ADAMTSL1: variants seen among roughly 807,000 people sequenced by gnomAD.
ADAMTSL1 encodes the protein ADAMTS like 1, also known as ADAMTS-like protein 1.
In ADAMTSL1, 126 loss-of-function variants were observed where a neutral mutation model predicts 201.8. That is an observed-to-expected ratio of 0.62 (90% confidence interval 0.54 to 0.72). The LOEUF is 0.72. ADAMTSL1 is among the 30% of genes least tolerant of loss of function. The pLI, the probability that ADAMTSL1 is intolerant of heterozygous loss-of-function variation, is 0.00. For synonymous variants in ADAMTSL1, 1,121 were observed against 903.4 expected (o/e 1.24, Z -4.32); for missense variants, 2,679 against 2,277.8 (o/e 1.18, Z -3.59).
At chr9:18,370,257 G>C (rs919819090) in intron 2 of ADAMTSL1, among the ~76,000 whole-genome samples, 9 of 151,344 alleles carry the variant, frequency 5.9e-5, no homozygotes, top group Admixed American at 3.3e-4. Flanking sequence ...TCCAGCCTGG[G>C]CAACAAGAGC....
intron 21 of ADAMTSL1, among the ~76,000 whole-genome samples, chr9:18,817,570 G>A (rs1336848609): frequency 6.6e-6 from 1 of 152,190 alleles, no homozygotes; most frequent in Non-Finnish European, 1.5e-5. Flanking sequence ...CATGGAAGTA[G>A]AAAATCCTCT....
At chr9:18,810,911 C>T (rs1823458782) in intron 20 of ADAMTSL1, among the ~76,000 whole-genome samples, 1 of 149,174 alleles carries the variant, frequency 6.7e-6, no homozygotes. Context: ...TGACCAAAGA[C>T]CTTGGAAATC....
At chr9:18,333,587 G>T (rs909079690) in intron 2 of ADAMTSL1, among the ~76,000 whole-genome samples, 14 of 152,130 alleles carry the variant, frequency 9.2e-5, no homozygotes, top group African/African-American at 3.1e-4. Context: ...AATAAATTCA[G>T]TTGGTTGAAT....
chr9:18,663,212 T>C (rs1564130336), intron 9 of ADAMTSL1, among the ~76,000 whole-genome samples: 1 of 152,184 alleles, frequency 6.6e-6, no homozygotes, highest in African/African-American at 2.4e-5. Flanking sequence ...CTACATGTGA[T>C]ATGAAATTGC....
chr9:18,588,277 A>G (rs1165701025), intron 4 of ADAMTSL1, among the ~76,000 whole-genome samples: 6 of 152,074 alleles, frequency 3.9e-5, no homozygotes, highest in East Asian at 1.9e-4. Flanking sequence ...CCTTCAACAA[A>G]TATCTATTCA....
intron 2 of ADAMTSL1, among the ~76,000 whole-genome samples, chr9:18,255,582 C>G (rs1831651400): frequency 6.6e-6 from 1 of 152,152 alleles, no homozygotes; most frequent in Admixed American, 6.5e-5. Flanking sequence ...TTTTACATTA[C>G]AGGATATGTA....
At chr9:18,298,955 T>G (rs1478947102) in intron 2 of ADAMTSL1, among the ~76,000 whole-genome samples, 2 of 149,644 alleles carry the variant, frequency 1.3e-5, no homozygotes, top group South Asian at 4.2e-4. Context: ...GAGCTTGCAG[T>G]GAGCCGAGAT....
chr9:18,477,910 A>C (rs1013838556), intron 1 of ADAMTSL1, among the ~76,000 whole-genome samples: 3 of 152,302 alleles, frequency 2.0e-5, no homozygotes, highest in African/African-American at 7.2e-5. Flanking sequence ...AATAGTGGTC[A>C]CTAGTGAACT....
chr9:18,190,170 A>G (rs1828913098), intron 2 of ADAMTSL1, among the ~76,000 whole-genome samples: 1 of 152,214 alleles, frequency 6.6e-6, no homozygotes, highest in South Asian at 2.1e-4. Context: ...TCCTCCAACT[A>G]TGTCATAGAT....
intron 2 of ADAMTSL1, among the ~76,000 whole-genome samples, chr9:18,303,960 A>G (rs1283742463): frequency 6.6e-6 from 1 of 151,944 alleles, no homozygotes; most frequent in Admixed American, 6.5e-5. Context: ...GGGAGGTGAC[A>G]GCTCCCTTCC....
chr9:18,694,130 A>T (rs1229777791), intron 13 of ADAMTSL1, among the ~76,000 whole-genome samples: 1 of 152,176 alleles, frequency 6.6e-6, no homozygotes, highest in Non-Finnish European at 1.5e-5. Context: ...AGAACTCACC[A>T]TCACGAGAAC....
At chr9:18,577,567 C>G (rs1822814093) in intron 4 of ADAMTSL1, among the ~76,000 whole-genome samples, 1 of 152,136 alleles carries the variant, frequency 6.6e-6, no homozygotes, top group Non-Finnish European at 1.5e-5. Context: ...CGCAACGTCC[C>G]TAAGCTCCAT....
At chr9:18,552,884 A>G (rs937479325) in intron 3 of ADAMTSL1, among the ~76,000 whole-genome samples, 1 of 151,344 alleles carries the variant, frequency 6.6e-6, no homozygotes, top group East Asian at 1.9e-4. Context: ...CTACTCCTTT[A>G]CTTTCCACCT....
chr9:18,362,621 C>T (rs1013196955), intron 2 of ADAMTSL1, among the ~76,000 whole-genome samples: 10 of 152,136 alleles, frequency 6.6e-5, no homozygotes, highest in African/African-American at 2.4e-4. Context: ...AATCAGAGAT[C>T]GGACCGTGAA....
At chr9:18,721,714 G>A in intron 15 of ADAMTSL1, 49 bp downstream of exon 15, 1 of 1,583,730 alleles carries the variant, frequency 6.3e-7, no homozygotes. Flanking sequence ...GTACAGAACT[G>A]GGCGCATCTT....
intron 1 of ADAMTSL1, among the ~76,000 whole-genome samples, chr9:18,108,805 A>G (rs1824875850): frequency 6.6e-6 from 1 of 151,700 alleles, no homozygotes; most frequent in Admixed American, 6.6e-5. Flanking sequence ...ATGTGTAATT[A>G]TTTATCTATT....
Position 18,515,675 on chromosome 9 carries a change from A to G in ADAMTSL1, c.191+10719A>G, listed in dbSNP as rs187725695. Among the ~76,000 whole-genome samples, 221 of 152,318 alleles carry G rather than the reference A, an allele frequency of 1.5e-3. 1 individual carries two copies. Among genetic ancestry groups the G allele is most frequent in the African/African-American group, 5.0e-3 (209 of 41,572 alleles). ...CTTTTATGTTAAAAGGAGTTTCTGT[A>G]AAATGATCGAGTCCGCCATGTGGGA... On this transcript the variant is annotated intron_variant, in intron 2 of 28. Transcript: ENST00000380548.
At chr9:18,693,089 G>A (rs1477537028) in intron 13 of ADAMTSL1, among the ~76,000 whole-genome samples, 1 of 152,046 alleles carries the variant, frequency 6.6e-6, no homozygotes, top group Non-Finnish European at 1.5e-5. Context: ...AGACAAAAAA[G>A]ACAAAAGCTC....
chr9:17,941,313 T>C (rs2131347434), intron 1 of ADAMTSL1, among the ~76,000 whole-genome samples: 1 of 152,198 alleles, frequency 6.6e-6, no homozygotes, highest in East Asian at 1.9e-4. Flanking sequence ...GATTTTCAAT[T>C]TGGAGTTATA....
Sources: gnomAD v4.1 joint callset for allele counts (sites outside exome capture counted in the v4.1 genomes callset) on GRCh38, gnomAD v4.1.1 for gene constraint, MANE v1.5 for transcripts, NCBI Gene and HGNC (gene_info 2026-07-23, HGNC 2026-07-21) for gene names.